PNPLA8: variants seen among roughly 807,000 people sequenced by gnomAD.
PNPLA8 encodes patatin like domain 8, phospholipase A2.
PNPLA8 carries 39 observed loss-of-function variants against 76.9 expected under a neutral mutation model. The observed-to-expected ratio is 0.51, with a 90% CI of 0.39 to 0.66. The LOEUF is 0.66. PNPLA8 is among the 30% of genes least tolerant of loss of function. PNPLA8 has a pLI of 0.00. For synonymous variants in PNPLA8, 301 were observed against 307.9 expected (o/e 0.98, Z 0.24); for missense variants, 887 against 918.0 (o/e 0.97, Z 0.44).
intron 7 of PNPLA8, among the ~76,000 whole-genome samples, chr7:108,495,410 A>G (rs776311028): frequency 6.6e-6 from 1 of 152,196 alleles, no homozygotes; most frequent in African/African-American, 2.4e-5. Context: ...TAATCTGTGC[A>G]TTATCTGAAT....
At chr7:108,511,741 A>G (rs977893794) in intron 4 of PNPLA8, among the ~76,000 whole-genome samples, 1 of 152,212 alleles carries the variant, frequency 6.6e-6, no homozygotes, top group African/African-American at 2.4e-5. Context: ...AGTTACATAA[A>G]TAACATTTTC....
At chr7:108,519,957 T>C (rs1863622078) in intron 2 of PNPLA8, among the ~76,000 whole-genome samples, 1 of 152,218 alleles carries the variant, frequency 6.6e-6, no homozygotes, top group Non-Finnish European at 1.5e-5. Context: ...TTCGTCTCTG[T>C]CCTTCCAACT....
intron 5 of PNPLA8, among the ~76,000 whole-genome samples, chr7:108,502,139 T>C (rs562947164): frequency 6.6e-6 from 1 of 151,744 alleles, no homozygotes; most frequent in African/African-American, 2.4e-5. Flanking sequence ...ATTGAATCTG[T>C]AGTTTTTAAG....
intron 5 of PNPLA8, among the ~76,000 whole-genome samples, chr7:108,499,255 G>GA (rs1861777715): frequency 6.6e-6 from 1 of 152,038 alleles, no homozygotes; most frequent in Non-Finnish European, 1.5e-5. Flanking sequence ...TGGTTTTGGG[G>GA]TTTTTTTCTC....
chr7:108,497,321 C>G (rs935574330), intron 6 of PNPLA8, among the ~76,000 whole-genome samples, 162 bp downstream of exon 6: 11 of 152,140 alleles, frequency 7.2e-5, no homozygotes, highest in African/African-American at 1.4e-4. Flanking sequence ...GTGTGCCTAA[C>G]TGGCATAACC....
At chr7:108,518,726 T>TATAC (rs1863521603) in intron 2 of PNPLA8, among the ~76,000 whole-genome samples, 1 of 33,264 alleles carries the variant, frequency 3.0e-5, no homozygotes, top group Non-Finnish European at 5.6e-5. Flanking sequence ...CATGAATATA[T>TATAC]ATATATATAT....
At chr7:108,502,428 G>T (rs1017609165) in intron 5 of PNPLA8, 63 bp downstream of exon 5, 2 of 1,415,150 alleles carry the variant, frequency 1.4e-6, no homozygotes, top group Non-Finnish European at 1.9e-6. Context: ...GGGCAACAGA[G>T]GGAAACTCCA....
chr7:108,472,563 C>T lies in PNPLA8; in HGVS notation c.2187G>A (p.Gln729=), dbSNP rs775664576. ...LDESRNEKLD[Q]LQLEGLKYIE... is the part of the protein sequence containing the mutation. ...TGTATTTCAACCCTTCCAACTGCAG[C>T]TGATCCAGCTTTTCATTTCGACTTT... Residue 729 remains glutamine, a synonymous_variant, in exon 11 of 11, where the codon CAG becomes CAA. Transcript: ENST00000257694. 1.9e-6 allele frequency: 3 copies of T among 1,613,052 alleles called. No homozygotes were observed. The highest frequency in any genetic ancestry group is 2.5e-6 in the Non-Finnish European group (3 of 1,179,754).
At chr7:108,484,662 CTTCT>C (rs1418415102) in intron 9 of PNPLA8, among the ~76,000 whole-genome samples, 5 of 152,172 alleles carry the variant, frequency 3.3e-5, no homozygotes, top group Non-Finnish European at 7.4e-5. Flanking sequence ...CAGATGACAA[CTTCT>C]TTGTTAAGCT....
chr7:108,489,433 T>A (rs1232269247), intron 8 of PNPLA8, among the ~76,000 whole-genome samples: 36 of 152,246 alleles, frequency 2.4e-4, no homozygotes, highest in Admixed American at 2.4e-3. Flanking sequence ...ATGCTGCTAC[T>A]CAATGGCCTT....
chr7:108,478,089 G>C (rs777008560), intron 10 of PNPLA8, among the ~76,000 whole-genome samples: 1 of 152,110 alleles, frequency 6.6e-6, no homozygotes, highest in Non-Finnish European at 1.5e-5. Flanking sequence ...AAGAGAAAAA[G>C]AGAAAAAGAA....
chr7:108,518,812 C>A (rs1031889171), intron 2 of PNPLA8, among the ~76,000 whole-genome samples: 2 of 148,384 alleles, frequency 1.3e-5, no homozygotes, highest in Non-Finnish European at 3.0e-5. Flanking sequence ...TCTACATATG[C>A]AGTTGAAATC....
At chr7:108,509,243 T>C (rs1029809240) in intron 4 of PNPLA8, among the ~76,000 whole-genome samples, 4 of 76,248 alleles carry the variant, frequency 5.2e-5, no homozygotes, top group East Asian at 2.9e-4. Flanking sequence ...ACAGGCAACC[T>C]ACAAAATGGG....
At chr7:108,500,062 T>C (rs1861829458) in intron 5 of PNPLA8, among the ~76,000 whole-genome samples, 1 of 152,236 alleles carries the variant, frequency 6.6e-6, no homozygotes, top group Non-Finnish European at 1.5e-5. Flanking sequence ...TTTCTATTTG[T>C]TGTCTTTTCC....
intron 8 of PNPLA8, 29 bp downstream of exon 8, chr7:108,491,381 G>A: frequency 7.2e-7 from 1 of 1,385,982 alleles, no homozygotes; most frequent in Non-Finnish European, 1.0e-6. Flanking sequence ...ATGGAACTAG[G>A]TGTTATATTT....
intron 4 of PNPLA8, among the ~76,000 whole-genome samples, chr7:108,507,327 G>A (rs1271637669): frequency 5.7e-5 from 6 of 105,666 alleles, no homozygotes; most frequent in Non-Finnish European, 1.0e-4. Flanking sequence ...TGGTGACAGA[G>A]TAAGACTCTG....
Position 108,521,497 on chromosome 7 carries a change from T to C in PNPLA8, c.-105A>G, listed in dbSNP as rs1359630038. 6.1e-6 allele frequency: 5 copies of C among 822,938 alleles called. No homozygotes were observed. Among genetic ancestry groups the C allele is most frequent in the Non-Finnish European group, 7.3e-6 (5 of 681,578 alleles). 51.0% of individuals were successfully genotyped at this position (822,938 alleles called of 1,614,324 possible). A position where few individuals can be genotyped will look rare whatever the true frequency, so the allele number is the denominator to read the frequency against. On this transcript the variant is annotated 5_prime_UTR_variant, in exon 2 of 11. It removes an upstream start codon present in the reference 5' UTR. Coordinates refer to ENST00000257694, the MANE Select transcript of PNPLA8 (RefSeq NM_001256007.3). ...TTACTTATTAAACTTCAGGTAATCA[T>C]GTAGACCTTGGAGGAGAAGACAATC...
chr7:108,525,628 C>T (rs1864020806), intron 1 of PNPLA8, among the ~76,000 whole-genome samples: 1 of 152,198 alleles, frequency 6.6e-6, no homozygotes, highest in South Asian at 2.1e-4. Context: ...TGCACACTGA[C>T]AGTCGAGAAT....
intron 10 of PNPLA8, among the ~76,000 whole-genome samples, chr7:108,477,380 T>A (rs1377254122): frequency 1.3e-5 from 2 of 152,222 alleles, no homozygotes; most frequent in African/African-American, 4.8e-5. Flanking sequence ...TTGGTTTTCA[T>A]TCAATGAATA....
Sources: allele counts gnomAD v4.1 joint callset (sites outside exome capture counted in the v4.1 genomes callset), GRCh38; gene constraint gnomAD v4.1.1; transcripts MANE v1.5; gene names NCBI Gene and HGNC (gene_info 2026-07-23, HGNC 2026-07-21).